Variants in WDR49 observed in about 807,000 individuals in gnomAD.
The protein encoded by WDR49 is WD repeat domain 49, also known as cilia- and flagella-associated protein 337.
A neutral mutation model predicts 119.5 loss-of-function variants in WDR49; 107 were observed. That is an observed-to-expected ratio of 0.90 (90% CI 0.77 to 1.05). The LOEUF (loss-of-function observed/expected upper bound fraction) is 1.05. Among genes scored for constraint, WDR49 ranks in the 50% least tolerant of loss-of-function variants. The pLI is 0.00. For missense variants in WDR49, 1,240 were observed against 1,220.5 expected (o/e 1.02, Z -0.24); for synonymous variants, 425 against 418.8 (o/e 1.01, Z -0.18).
chr3:167,627,099 C>T lies in WDR49; in HGVS notation c.359G>A (p.Arg120Gln), dbSNP rs1324449539. The T allele has an allele frequency of 7.1e-6, 9 of 1,273,578 alleles. No homozygotes were observed. The highest frequency in any genetic ancestry group is 6.0e-5 in the East Asian group (2 of 33,326). The allele number at this position is 1,273,578 out of a possible 1,614,324, so 78.9% of individuals were successfully genotyped here. Residue 120 changes from arginine to glutamine, a missense_variant, in exon 3 of 19, where the codon CGA becomes CAA. Physicochemically the swap from Arg to Gln is conservative, Grantham distance 43. Coordinates refer to ENST00000682715, the MANE Select transcript of WDR49 (RefSeq NM_001366157.1). ...ILLELYEQDE[R>Q]AKATVVPQWK... is the part of the protein sequence containing the mutation. ...CTGGGGCACCACAGTTGCCTTTGCTCGTTCATCTTGCTCATAAAGCTCTAG... is the reference window on the plus strand; with the variant it reads ...CTGGGGCACCACAGTTGCCTTTGCTTGTTCATCTTGCTCATAAAGCTCTAG...
intron 2 of WDR49, among the ~76,000 whole-genome samples, chr3:167,649,198 T>C (rs1172532076): frequency 6.6e-6 from 1 of 152,096 alleles, no homozygotes; most frequent in Non-Finnish European, 1.5e-5. Flanking sequence ...TAGGAAGACC[T>C]GTTCATTTGG....
At chr3:167,655,421 C>G (rs1283305086), upstream of WDR49, among the ~76,000 whole-genome samples, 1 of 152,176 alleles carries the variant, frequency 6.6e-6, no homozygotes, top group East Asian at 1.9e-4. Context: ...GGCATTACAT[C>G]TTCTCTAGGG....
chr3:167,621,893 C>A lies in WDR49; in HGVS notation c.607-250G>T, dbSNP rs190090020. 1.2e-4 allele frequency among the ~76,000 whole-genome samples: 19 copies of A among 152,216 alleles called. No individual in the cohort carries two copies. The South Asian group carries it at 2.1e-3, about 17-fold the overall frequency. Reference sequence around the variant, plus strand: ...TTCCTATCCCTATTCCACACAGTCACCAACATCCCCATCCATGGGAGACTA... The same window carrying A: ...TTCCTATCCCTATTCCACACAGTCAACAACATCCCCATCCATGGGAGACTA... On this transcript the variant is annotated intron_variant, in intron 3 of 18. Coordinates refer to ENST00000682715, the MANE Select transcript of WDR49 (RefSeq NM_001366157.1).
chr3:167,640,325 T>C (rs1413624392), intron 2 of WDR49, among the ~76,000 whole-genome samples: 1 of 151,896 alleles, frequency 6.6e-6, no homozygotes, highest in Non-Finnish European at 1.5e-5. Flanking sequence ...CATTTAAACA[T>C]GATCAAGTCA....
intron 18 of WDR49, among the ~76,000 whole-genome samples, chr3:167,487,133 A>C (rs1357345666): frequency 2.0e-5 from 3 of 152,148 alleles, no homozygotes; most frequent in Non-Finnish European, 4.4e-5. Flanking sequence ...AAACTATACT[A>C]TAAGGCCACA....
rs1715683425 is a variant in WDR49 at position 167,600,073 on chromosome 3, A to AC, written c.1275+2053dup. Among the ~76,000 whole-genome samples the AC allele has an allele frequency of 2.6e-5, 4 of 152,114 alleles. No individual in the cohort carries two copies. In the South Asian group the frequency reaches 8.3e-4, roughly 32 times the overall value. On this transcript the variant is annotated intron_variant, in intron 7 of 18. Coordinates refer to ENST00000682715, the MANE Select transcript of WDR49 (RefSeq NM_001366157.1). ...GGAAGGGGGGCACCTCACAATTCTGACCAGGGACCTATCTTATTGTGGCTG... is the reference window on the plus strand; with the variant it reads ...GGAAGGGGGGCACCTCACAATTCTGACCCAGGGACCTATCTTATTGTGGCTG...
chr3:167,492,041 C>T (rs947256644), intron 18 of WDR49, among the ~76,000 whole-genome samples: 4 of 151,708 alleles, frequency 2.6e-5, no homozygotes, highest in Non-Finnish European at 5.9e-5. Context: ...AACCTATGCA[C>T]GAGGTAATTA....
intron 18 of WDR49, among the ~76,000 whole-genome samples, chr3:167,490,336 G>A (rs1411757916): frequency 2.0e-5 from 3 of 152,016 alleles, no homozygotes; most frequent in Non-Finnish European, 4.4e-5. Flanking sequence ...AGATAATTTA[G>A]TGTTATGTAA....
chr3:167,569,154 G>C (rs1032141181), intron 8 of WDR49, among the ~76,000 whole-genome samples: 1 of 152,058 alleles, frequency 6.6e-6, no homozygotes, highest in African/African-American at 2.4e-5. Flanking sequence ...ATGTTGGCCA[G>C]GCTGGTCTTG....
intron 16 of WDR49, among the ~76,000 whole-genome samples, chr3:167,518,119 A>C (rs1328979564): frequency 6.6e-6 from 1 of 151,782 alleles, no homozygotes; most frequent in East Asian, 1.9e-4. Context: ...ACATTTTCTT[A>C]ATCCAGTCTA....
chr3:167,633,136 T>A (rs532060523), intron 2 of WDR49, among the ~76,000 whole-genome samples: 17 of 151,354 alleles, frequency 1.1e-4, no homozygotes, highest in African/African-American at 3.9e-4. Flanking sequence ...TTTGGAGGTG[T>A]TCATAATTAT....
At chr3:167,583,474 C>A (rs927631006) in intron 7 of WDR49, among the ~76,000 whole-genome samples, 1 of 151,966 alleles carries the variant, frequency 6.6e-6, no homozygotes, top group Non-Finnish European at 1.5e-5. Flanking sequence ...GTGGGAAAAT[C>A]ATTTGATGCC....
At chr3:167,488,857 G>A (rs1481625199) in intron 18 of WDR49, among the ~76,000 whole-genome samples, 6 of 152,036 alleles carry the variant, frequency 3.9e-5, no homozygotes, top group African/African-American at 1.2e-4. Flanking sequence ...CTCCATTCTA[G>A]CAATGGTGAC....
chr3:167,627,334 A>AATC, intron 2 of WDR49, 42 bp from the exon 3 acceptor site: 1 of 1,228,434 alleles, frequency 8.1e-7, no homozygotes, highest in Non-Finnish European at 1.0e-6. Flanking sequence ...ACAACAGTGA[A>AATC]ATCATCATAT....
At chr3:167,584,049 C>T (rs561542706) in intron 7 of WDR49, among the ~76,000 whole-genome samples, 1 of 152,116 alleles carries the variant, frequency 6.6e-6, no homozygotes, top group Non-Finnish European at 1.5e-5. Flanking sequence ...CATTAAAGAG[C>T]TACAAGTCAG....
intron 15 of WDR49, among the ~76,000 whole-genome samples, chr3:167,526,670 C>T (rs1752644352): frequency 6.6e-6 from 1 of 152,142 alleles, no homozygotes; most frequent in Non-Finnish European, 1.5e-5. Context: ...TTGAGACTGT[C>T]GTCTAGCCAA....
At chr3:167,531,082 C>CAACTATATG (rs1361683249) in intron 13 of WDR49, 33 bp downstream of exon 13, 2 of 1,589,474 alleles carry the variant, frequency 1.3e-6, no homozygotes, top group Non-Finnish European at 1.7e-6. Context: ...GCTCCCTTTC[C>CAACTATATG]AACTATATGT....
intron 16 of WDR49, among the ~76,000 whole-genome samples, chr3:167,513,427 A>G (rs1231949317): frequency 3.9e-5 from 6 of 152,182 alleles, no homozygotes; most frequent in African/African-American, 7.2e-5. Flanking sequence ...ATTCATCACC[A>G]CTAGGCCTGC....
chr3:167,528,088 A>T (rs1486752711), intron 14 of WDR49, 71 bp from the exon 15 acceptor site: 3 of 1,329,460 alleles, frequency 2.3e-6, no homozygotes, highest in Admixed American at 2.3e-5. Flanking sequence ...TAACACTTTT[A>T]AAAAAAGGCC....
Sources: allele counts gnomAD v4.1 joint callset (sites outside exome capture counted in the v4.1 genomes callset), GRCh38; gene constraint gnomAD v4.1.1; transcripts MANE v1.5; gene names NCBI Gene and HGNC (gene_info 2026-07-23, HGNC 2026-07-21).